RAPSN: variants seen among roughly 807,000 people sequenced by gnomAD.
The protein encoded by RAPSN is receptor associated protein of the synapse.
Under a neutral mutation model 45.7 loss-of-function variants are expected in RAPSN, and 33 were observed. That is an observed-to-expected ratio of 0.72 (90% CI 0.55 to 0.97). The LOEUF (loss-of-function observed/expected upper bound fraction) is 0.97, where lower values mean the gene tolerates loss of function less well. RAPSN is among the 50% of genes least tolerant of loss of function. The pLI, the probability that RAPSN is intolerant of heterozygous loss-of-function variation, is 0.00. For synonymous variants in RAPSN, 244 were observed against 233.6 expected (o/e 1.04, Z -0.40); for missense variants, 519 against 559.4 (o/e 0.93, Z 0.73).
In RAPSN at chr11:47,445,713, G is replaced by A. The variant is rs551076364; in HGVS notation, c.531+2099C>T. Among the ~76,000 whole-genome samples the A allele has an allele frequency of 2.0e-5, 3 of 150,406 alleles. No individual in the cohort carries two copies. The South Asian group carries it at 6.3e-4, about 32-fold the overall frequency. ...CTTTTGGAATTATTTTACGTATTTT[G>A]TAGGGTAAAGCAAATATTTAATTAT... On this transcript the variant is annotated intron_variant, in intron 2 of 7. Coordinates refer to ENST00000298854, the MANE Select transcript of RAPSN (RefSeq NM_005055.5).
intron 2 of RAPSN, among the ~76,000 whole-genome samples, chr11:47,444,809 G>C (rs1211068735): frequency 3.7e-5 from 5 of 135,704 alleles, no homozygotes; most frequent in African/African-American, 8.6e-5. Context: ...AGTGAGCCGA[G>C]ATCGCGCCAC....
rs139634298 is a variant in RAPSN, at chr11:47,447,435, C to T, written c.531+377G>A. Among the ~76,000 whole-genome samples, 157 of 152,306 alleles carry T rather than the reference C, an allele frequency of 1.0e-3. 1 individual carries two copies. The highest frequency in any genetic ancestry group is 3.6e-3 in the African/African-American group (151 of 41,566). ...GTCAATAAATATTTGATGACTGACT[C>T]CATACAACCCCACTGTAAGGTGAGT... On this transcript the variant is annotated intron_variant, in intron 2 of 7. Coordinates refer to ENST00000298854, the MANE Select transcript of RAPSN (RefSeq NM_005055.5).
At chr11:47,447,680 T>G (rs1276941921) in intron 2 of RAPSN, 132 bp downstream of exon 2, 1 of 1,097,572 alleles carries the variant, frequency 9.1e-7, no homozygotes, top group Admixed American at 2.3e-5. Flanking sequence ...TAAGCCTTTT[T>G]GCTCTCTGAT....
rs769894057 is a variant in RAPSN at position 47,441,812 on chromosome 11, G to A, written c.789+11C>T. On this transcript the variant is annotated intron_variant, in intron 4 of 7. Coordinates refer to ENST00000298854, the MANE Select transcript of RAPSN (RefSeq NM_005055.5). The stretch of plus-strand genomic sequence containing the variant: ...CCCCTGCCCCCAGCCCCTGCATCCC[G>A]GTGACCTCACCTCCAGGTCCCCACG... The A allele has an allele frequency of 2.7e-5, 26 of 950,032 alleles. No homozygotes were observed. The East Asian group carries it at 4.5e-4, about 16-fold the overall frequency. 58.9% of individuals were successfully genotyped at this position (950,032 alleles called of 1,614,324 possible).
intron 2 of RAPSN, 93 bp downstream of exon 2, chr11:47,447,719 G>A: frequency 7.2e-7 from 1 of 1,380,176 alleles, no homozygotes; most frequent in Non-Finnish European, 1.0e-6. Context: ...TCCCTAAAAG[G>A]AGGGCTGAAT....
chr11:47,441,806 C>A lies in RAPSN; in HGVS notation c.789+17G>T. The A allele has an allele frequency of 1.3e-6, 2 of 1,555,582 alleles. No individual in the cohort carries two copies. The highest frequency in any genetic ancestry group is 1.7e-6 in the Non-Finnish European group (2 of 1,155,818). ...CCCTGCCCCCTGCCCCCAGCCCCTG[C>A]ATCCCGGTGACCTCACCTCCAGGTC... On this transcript the variant is annotated intron_variant, in intron 4 of 7. Transcript: ENST00000298854.
Position 47,438,848 on chromosome 11 carries a change from C to T in RAPSN, c.1050G>A (p.Val350=). 1 of 1,572,008 alleles carries T rather than the reference C, an allele frequency of 6.4e-7. No individual in the cohort carries two copies. Among genetic ancestry groups the T allele is most frequent in the Non-Finnish European group, 8.6e-7 (1 of 1,157,970 alleles). Reference sequence around the variant, plus strand: ...TCTCCTCCACGCACTCGTGGAACCTCACAACGTGCGCCCGCAGTTCCCGCT... The same window carrying T: ...TCTCCTCCACGCACTCGTGGAACCTTACAACGTGCGCCCGCAGTTCCCGCT... ...GLQRELRAHV[V]RFHECVEETE... The change falls in exon 7 of 8, where the codon GTG becomes GTA. Residue 350 remains valine (V), a synonymous_variant. Transcript: ENST00000298854.
intron 7 of RAPSN, 52 bp from the exon 8 acceptor site, chr11:47,438,099 G>C: frequency 2.6e-6 from 4 of 1,542,182 alleles, no homozygotes; most frequent in Non-Finnish European, 2.6e-6. Context: ...CCTTCCCTCC[G>C]GGCCCTCTCT....
chr11:47,444,888 ATGTCCCTAACTGTG>A (rs2076392981), intron 2 of RAPSN, among the ~76,000 whole-genome samples: 1 of 146,848 alleles, frequency 6.8e-6, no homozygotes, highest in Non-Finnish European at 1.5e-5. Flanking sequence ...AAGTAAATAA[ATGTCCCTAACTGTG>A]TGTCATATTA....
At chr11:47,438,170 T>A in intron 7 of RAPSN, 123 bp from the exon 8 acceptor site, 1 of 1,194,626 alleles carries the variant, frequency 8.4e-7, no homozygotes, top group Non-Finnish European at 1.2e-6. Context: ...TCAGCAGCAG[T>A]GGAAGGGAAG....
At chr11:47,443,927 C>A (rs1484450849) in intron 2 of RAPSN, among the ~76,000 whole-genome samples, 1 of 29,144 alleles carries the variant, frequency 3.4e-5, no homozygotes, top group African/African-American at 1.1e-4. Context: ...CAGACTCTGT[C>A]TCACAAAAAA....
chr11:47,448,180 C>T (rs1437929670), intron 1 of RAPSN, 30 bp from the exon 2 acceptor site: 3 of 1,601,442 alleles, frequency 1.9e-6, no homozygotes, highest in Non-Finnish European at 2.5e-6. Context: ...GCAGGTGGTG[C>T]TCAGCCTGGA....
At chr11:47,438,994 T>C in intron 6 of RAPSN, 63 bp from the exon 7 acceptor site, 1 of 1,509,934 alleles carries the variant, frequency 6.6e-7, no homozygotes, top group Non-Finnish European at 8.9e-7. Context: ...GCAGGTAGGC[T>C]CCGGTCTCAG....
chr11:47,445,224 C>T (rs1445827179), intron 2 of RAPSN, among the ~76,000 whole-genome samples: 4 of 149,898 alleles, frequency 2.7e-5, no homozygotes, highest in South Asian at 2.1e-4. Context: ...AGTAAGACTC[C>T]GTCTCTAAAA....
At chr11:47,440,949 G>C (rs942171641) in intron 6 of RAPSN, among the ~76,000 whole-genome samples, 22 of 152,106 alleles carry the variant, frequency 1.4e-4, no homozygotes, top group African/African-American at 5.3e-4. Context: ...GAGGAATTCT[G>C]CTATCCTCCA....
chr11:47,445,105 C>A (rs2153310091), intron 2 of RAPSN, among the ~76,000 whole-genome samples: 1 of 151,176 alleles, frequency 6.6e-6, no homozygotes, highest in Non-Finnish European at 1.5e-5. Flanking sequence ...GTGGCAGGCG[C>A]CTGTAGTCCC....
chr11:47,438,846 C>T lies in RAPSN; in HGVS notation c.1052G>A (p.Arg351Lys). The change falls in exon 7 of 8, where the codon AGG becomes AAG. Residue 351 changes from arginine (R) to lysine (K), a missense_variant. Coordinates refer to ENST00000298854, the MANE Select transcript of RAPSN (RefSeq NM_005055.5). ...CGTCTCCTCCACGCACTCGTGGAAC[C>T]TCACAACGTGCGCCCGCAGTTCCCG... ...LQRELRAHVV[R>K]FHECVEETEL... The T allele has an allele frequency of 1.3e-6, 2 of 1,572,810 alleles. No homozygotes were observed. Among genetic ancestry groups the T allele is most frequent in the Non-Finnish European group, 1.7e-6 (2 of 1,158,380 alleles).
At position 47,449,085 on chromosome 11, in the gene RAPSN, G is replaced by A. The variant is rs753969285; in HGVS notation, c.-121C>T. 3.5e-5 allele frequency: 44 copies of A among 1,249,754 alleles called. No homozygotes were observed. The East Asian group carries it at 5.8e-4, about 16-fold the overall frequency. The allele number at this position is 1,249,754 out of a possible 1,614,324, so 77.4% of individuals were successfully genotyped here. A position where few individuals can be genotyped will look rare whatever the true frequency, so the allele number is the denominator to read the frequency against. ...GAAACGTGGGAACAAAAGCAGCGTC[G>A]GGTGGGAGCCGGAATGGGGCCTGGA... On this transcript the variant is annotated 5_prime_UTR_variant, in exon 1 of 8. Coordinates refer to ENST00000298854, the MANE Select transcript of RAPSN (RefSeq NM_005055.5).
intron 5 of RAPSN, 45 bp from the exon 6 acceptor site, chr11:47,441,257 C>A (rs1296752575): frequency 6.2e-7 from 1 of 1,609,612 alleles, no homozygotes; most frequent in Non-Finnish European, 8.5e-7. Context: ...AGCTGTCTGA[C>A]AGGCCTTGCT....
Sources: allele counts gnomAD v4.1 joint callset (sites outside exome capture counted in the v4.1 genomes callset), GRCh38; gene constraint gnomAD v4.1.1; transcripts MANE v1.5; gene names NCBI Gene and HGNC (gene_info 2026-07-23, HGNC 2026-07-21).